The following CDH8 variants were observed in gnomAD, a reference collection of about 807,000 sequenced individuals.
CDH8 encodes the protein cadherin 8.
Under a neutral mutation model 68.1 loss-of-function variants are expected in CDH8, and 17 were observed. The observed-to-expected ratio is 0.25, with a 90% CI of 0.17 to 0.37. CDH8 has a LOEUF of 0.37. CDH8 is among the 10% of genes least tolerant of loss of function. The pLI is 1.00. For synonymous variants in CDH8, 372 were observed against 365.1 expected (o/e 1.02, Z -0.21); for missense variants, 763 against 999.3 (o/e 0.76, Z 3.19).
At chr16:62,024,677 C>T (rs1161020312) in intron 1 of CDH8, among the ~76,000 whole-genome samples, 6 of 152,144 alleles carry the variant, frequency 3.9e-5, no homozygotes, top group African/African-American at 1.2e-4. Context: ...AAAGGGGATA[C>T]GTGTGTAGTC....
At chr16:61,804,587 A>G (rs1485338194) in intron 7 of CDH8, among the ~76,000 whole-genome samples, 1 of 149,426 alleles carries the variant, frequency 6.7e-6, no homozygotes, top group Non-Finnish European at 1.5e-5. Flanking sequence ...CTAATAAAGA[A>G]AAAAAGAGAG....
intron 2 of CDH8, among the ~76,000 whole-genome samples, chr16:61,962,257 T>A (rs1965167835): frequency 6.6e-6 from 1 of 152,110 alleles, no homozygotes; most frequent in South Asian, 2.1e-4. Context: ...AAACTCACAT[T>A]GTCAAGGGCC....
chr16:61,978,397 A>T (rs1203362769), intron 2 of CDH8, among the ~76,000 whole-genome samples: 2 of 152,164 alleles, frequency 1.3e-5, no homozygotes, highest in African/African-American at 4.8e-5. Context: ...TGTTGCTGAT[A>T]TTGGTAATAG....
chr16:61,949,453 C>A (rs951487905), intron 2 of CDH8, among the ~76,000 whole-genome samples: 1 of 152,084 alleles, frequency 6.6e-6, no homozygotes, highest in Non-Finnish European at 1.5e-5. Flanking sequence ...GCAGCAGCAA[C>A]CTGCTTGGGT....
chr16:61,871,014 G>A (rs1395843025), intron 3 of CDH8, among the ~76,000 whole-genome samples: 1 of 151,892 alleles, frequency 6.6e-6, no homozygotes, highest in Non-Finnish European at 1.5e-5. Flanking sequence ...GCATAAATAG[G>A]TACTCGATAA....
chr16:61,817,209 T>C (rs1167839814), intron 7 of CDH8, among the ~76,000 whole-genome samples: 1 of 152,132 alleles, frequency 6.6e-6, no homozygotes, highest in Non-Finnish European at 1.5e-5. Context: ...CAACTTTGCA[T>C]TTTCATAGAG....
intron 9 of CDH8, chr16:61,726,329 G>A (rs1959364617): frequency 6.6e-6 from 1 of 150,680 alleles, no homozygotes; most frequent in African/African-American, 2.4e-5. Context: ...CTTTACACAG[G>A]CTATTTCCAT....
intron 8 of CDH8, among the ~76,000 whole-genome samples, chr16:61,735,339 A>T (rs537600059): frequency 6.6e-6 from 1 of 152,224 alleles, no homozygotes; most frequent in Admixed American, 6.5e-5. Flanking sequence ...TACTATCACA[A>T]ATACCCTTTT....
intron 4 of CDH8, among the ~76,000 whole-genome samples, chr16:61,837,061 G>C (rs1367105903): frequency 6.6e-6 from 1 of 151,712 alleles, no homozygotes; most frequent in Non-Finnish European, 1.5e-5. Context: ...TTCTTCTTTG[G>C]GGGTGCAGGC....
intron 2 of CDH8, among the ~76,000 whole-genome samples, chr16:61,971,463 A>G (rs1315271324): frequency 6.6e-6 from 1 of 152,224 alleles, no homozygotes; most frequent in Non-Finnish European, 1.5e-5. Context: ...ACCAATGTAC[A>G]TCAGATGGAA....
In CDH8 at chr16:61,653,778, T is replaced by C. The variant is rs1407607281; in HGVS notation, c.2230A>G (p.Ile744Val). The change falls in exon 12 of 12, where the codon ATT (isoleucine) becomes GTT (valine). Residue 744 changes from isoleucine to valine, a missense_variant. By Grantham distance (29) the Ile-to-Val change is conservative. This residue lies in a region of CDH8 where 397 missense variants were observed against 436.2 expected (regional missense o/e 0.91). Transcript: ENST00000577390. ...NDPTAPPYDS[I>V]QIYGYEGRGS... ...CGGCCTTCATAGCCATATATCTGAA[T>C]GGAGTCATATGGCGGGGCCGTGGGA... 2.5e-6 allele frequency: 4 copies of C among 1,614,112 alleles called. No individual in the cohort carries two copies. The Admixed American group carries it at 6.7e-5, about 27-fold the overall frequency.
At chr16:61,968,530 T>C (rs183118052) in intron 2 of CDH8, among the ~76,000 whole-genome samples, 74 of 152,278 alleles carry the variant, frequency 4.9e-4, no homozygotes, top group African/African-American at 1.5e-3. Context: ...AAGCAGAGTA[T>C]AAAATAACAC....
intron 2 of CDH8, among the ~76,000 whole-genome samples, chr16:61,905,540 A>G (rs1964047292): frequency 6.6e-6 from 1 of 152,128 alleles, no homozygotes; most frequent in African/African-American, 2.4e-5. Flanking sequence ...ACTAAAGATG[A>G]TTTCTTCATT....
At chr16:61,816,724 T>C (rs1035766366) in intron 7 of CDH8, among the ~76,000 whole-genome samples, 1 of 151,952 alleles carries the variant, frequency 6.6e-6, no homozygotes, top group Non-Finnish European at 1.5e-5. Context: ...GTACTGTCAT[T>C]TGGGTGACTG....
intron 3 of CDH8, among the ~76,000 whole-genome samples, chr16:61,860,306 T>C (rs995400790): frequency 1.1e-4 from 16 of 152,170 alleles, no homozygotes; most frequent in Non-Finnish European, 2.1e-4. Context: ...CGAAAATAAT[T>C]TTTTCTTTAT....
intron 7 of CDH8, among the ~76,000 whole-genome samples, chr16:61,797,855 A>G (rs1961533638): frequency 6.6e-6 from 1 of 152,184 alleles, no homozygotes; most frequent in South Asian, 2.1e-4. Context: ...GTATCTTTAC[A>G]TTATTTAGGG....
At position 61,940,526 on chromosome 16, in the gene CDH8, C is replaced by T. The variant is rs146531887; in HGVS notation, c.253-39053G>A. ...GCAGTTCTCCTACCTCAGCCTCCTGCGTAGCTGGGACTACTACAGGCGTGC... is the reference window on the plus strand; with the variant it reads ...GCAGTTCTCCTACCTCAGCCTCCTGTGTAGCTGGGACTACTACAGGCGTGC... On this transcript the variant is annotated intron_variant, in intron 2 of 11. Transcript: ENST00000577390. 6.4e-3 allele frequency: 978 copies of T among 152,412 alleles called. 4 individuals carry two copies. The highest frequency in any genetic ancestry group is 0.024 in the Middle Eastern group (7 of 292). The allele number at this position is 152,412 out of a possible 1,614,324, so 9.4% of individuals were successfully genotyped here. A position where few individuals can be genotyped will look rare whatever the true frequency, so the allele number is the denominator to read the frequency against.
At chr16:61,693,156 A>C (rs756709857) in intron 10 of CDH8, 6 of 152,274 alleles carry the variant, frequency 3.9e-5, no homozygotes, top group African/African-American at 7.2e-5. Flanking sequence ...ATTTAATGGA[A>C]TTTAAAAAAT....
At chr16:61,909,234 G>A (rs955408112) in intron 2 of CDH8, among the ~76,000 whole-genome samples, 3 of 152,060 alleles carry the variant, frequency 2.0e-5, no homozygotes, top group Admixed American at 6.6e-5. Flanking sequence ...CATGGGGACC[G>A]GTGCCCAGAG....
Sources: allele counts gnomAD v4.1 joint callset (sites outside exome capture counted in the v4.1 genomes callset), GRCh38; gene constraint gnomAD v4.1.1; regional missense constraint gnomAD v4.1.1; transcripts MANE v1.5; gene names NCBI Gene and HGNC (gene_info 2026-07-23, HGNC 2026-07-21).